The following ASB15 variants were observed in gnomAD, a reference collection of about 807,000 sequenced individuals.
ASB15 encodes ankyrin repeat and SOCS box protein 15.
Under a neutral mutation model 58.0 loss-of-function variants are expected in ASB15, and 54 were observed. The ratio of observed to expected loss-of-function variants is 0.93; its 90% CI spans 0.75 to 1.17. ASB15 has a LOEUF of 1.17. Among genes scored for constraint, ASB15 ranks in the 50% most tolerant of loss-of-function variants. The pLI, the probability that ASB15 is intolerant of heterozygous loss-of-function variation, is 0.00. For synonymous variants in ASB15, 249 were observed against 262.4 expected (o/e 0.95, Z 0.50); for missense variants, 680 against 707.4 (o/e 0.96, Z 0.44).
At chr7:123,635,292 G>C (rs1394792343) in intron 11 of ASB15, among the ~76,000 whole-genome samples, 3 of 152,146 alleles carry the variant, frequency 2.0e-5, no homozygotes, top group African/African-American at 7.2e-5. Context: ...GGTGATTATA[G>C]ATGTTCGACT....
intron 9 of ASB15, 81 bp downstream of exon 9, chr7:123,627,362 A>T: frequency 8.9e-7 from 1 of 1,124,922 alleles, no homozygotes; most frequent in Non-Finnish European, 1.2e-6. Flanking sequence ...TCTATATGTA[A>T]TACCTTTCAA....
chr7:123,624,664 G>T lies in ASB15; in HGVS notation c.547G>T (p.Glu183Ter), dbSNP rs1404075406. 1 of 1,614,168 alleles carries T rather than the reference G, an allele frequency of 6.2e-7. No homozygotes were observed. Among genetic ancestry groups the T allele is most frequent in the South Asian group, 1.1e-5 (1 of 91,076 alleles). Residue 183 changes from glutamate to a stop codon, truncating the protein, a stop_gained, in exon 8 of 12, where the codon GAA becomes TAA. Coordinates refer to ENST00000451215, the MANE Select transcript of ASB15 (RefSeq NM_001290258.2). LOFTEE classifies it high-confidence loss of function. Reference sequence around the variant, plus strand: ...TGTCAAGCGATGGTCAGCAATGCATGAAGCAGCCAAGCAAGGCCGAAAAGA... The same window carrying T: ...TGTCAAGCGATGGTCAGCAATGCATTAAGCAGCCAAGCAAGGCCGAAAAGA... Reference protein sequence around the residue: ...PCVKRWSAMHEAAKQGRKDIV... With the variant: ...PCVKRWSAMH
chr7:123,585,993 G>A (rs1799366084), intron 1 of ASB15, among the ~76,000 whole-genome samples: 1 of 151,576 alleles, frequency 6.6e-6, no homozygotes, highest in South Asian at 2.1e-4. Context: ...GGACACTTAG[G>A]TTAATTCCAC....
chr7:123,618,378 G>C (rs1192770232), intron 7 of ASB15, among the ~76,000 whole-genome samples: 1 of 152,180 alleles, frequency 6.6e-6, no homozygotes, highest in Non-Finnish European at 1.5e-5. Flanking sequence ...TTCTCTTAGG[G>C]ACACAGGGTG....
intron 3 of ASB15, among the ~76,000 whole-genome samples, chr7:123,612,764 A>C (rs893567418): frequency 6.6e-6 from 1 of 152,210 alleles, no homozygotes; most frequent in East Asian, 1.9e-4. Context: ...TTATATTTCA[A>C]TGCTCACTTA....
At chr7:123,586,814 C>T (rs1288899353) in intron 1 of ASB15, among the ~76,000 whole-genome samples, 1 of 151,616 alleles carries the variant, frequency 6.6e-6, no homozygotes, top group African/African-American at 2.4e-5. Flanking sequence ...CTATCGTTTC[C>T]TCATTGTGTA....
chr7:123,569,805 C>T (rs1798857206), intron 1 of ASB15, among the ~76,000 whole-genome samples: 1 of 152,080 alleles, frequency 6.6e-6, no homozygotes, highest in Non-Finnish European at 1.5e-5. Flanking sequence ...AACAGAGAGG[C>T]AAGCCCGTTA....
At chr7:123,588,297 T>A (rs1209145031) in intron 1 of ASB15, among the ~76,000 whole-genome samples, 1 of 151,832 alleles carries the variant, frequency 6.6e-6, no homozygotes, top group Admixed American at 6.6e-5. Flanking sequence ...TCTTCTAGGT[T>A]ATACAGTTTA....
At chr7:123,578,282 C>T (rs989652967) in intron 1 of ASB15, among the ~76,000 whole-genome samples, 1 of 150,652 alleles carries the variant, frequency 6.6e-6, no homozygotes, top group Non-Finnish European at 1.5e-5. Flanking sequence ...CATCTAAAGC[C>T]TCTTGGTCCC....
At chr7:123,568,739 A>G (rs1363095913) in intron 1 of ASB15, among the ~76,000 whole-genome samples, 3 of 152,150 alleles carry the variant, frequency 2.0e-5, no homozygotes, top group Non-Finnish European at 2.9e-5. Context: ...ATAAATATGC[A>G]TTATTAATGT....
intron 4 of ASB15, among the ~76,000 whole-genome samples, chr7:123,615,032 T>C (rs938773430): frequency 6.6e-6 from 1 of 152,332 alleles, no homozygotes; most frequent in South Asian, 2.1e-4. Context: ...ACGTATTCCA[T>C]TGTTGTATGT....
intron 2 of ASB15, among the ~76,000 whole-genome samples, chr7:123,606,189 T>C (rs1457933882): frequency 3.9e-5 from 6 of 152,136 alleles, no homozygotes; most frequent in Non-Finnish European, 7.4e-5. Context: ...AAATAAACTA[T>C]TGATTTCATG....
rs193053510 is a variant in ASB15 at position 123,620,630 on chromosome 7, G to C, written c.451+2893G>C. Among the ~76,000 whole-genome samples the C allele has an allele frequency of 2.9e-3, 365 of 124,458 alleles. 8 individuals carry two copies. The highest frequency in any genetic ancestry group is 5.1e-3 in the Middle Eastern group (1 of 196). 81.6% of individuals were successfully genotyped at this position (124,458 alleles called of 152,430 possible). On this transcript the variant is annotated intron_variant, in intron 7 of 11. Coordinates refer to ENST00000451215, the MANE Select transcript of ASB15 (RefSeq NM_001290258.2). ...TCTGTCGCCCAGGCTGGAGTGCAGT[G>C]GCGCGATCTCAAAACTCTGCCTCCC...
At chr7:123,619,083 T>G (rs6956834) in intron 7 of ASB15, among the ~76,000 whole-genome samples, 25,935 of 147,250 alleles carry the variant, frequency 0.18, 2,748 homozygotes, top group African/African-American at 0.29. Context: ...GGGAGGCTGA[T>G]GCAGGAGAAT....
At chr7:123,616,540 T>A (rs747477098) in intron 6 of ASB15, 45 bp downstream of exon 6, 5 of 1,560,542 alleles carry the variant, frequency 3.2e-6, no homozygotes, top group Non-Finnish European at 4.4e-6. Context: ...AGCAAGAATG[T>A]TGATATGTTG....
intron 7 of ASB15, 100 bp from the exon 8 acceptor site, chr7:123,624,469 G>A: frequency 1.7e-6 from 2 of 1,164,848 alleles, no homozygotes; most frequent in Non-Finnish European, 1.2e-6. Context: ...AAAGTTACTA[G>A]CTAGTATCTA....
At chr7:123,612,841 T>G (rs1800546060) in intron 3 of ASB15, among the ~76,000 whole-genome samples, 2 of 152,220 alleles carry the variant, frequency 1.3e-5, no homozygotes, top group Non-Finnish European at 2.9e-5. Context: ...ACGCTTCTCT[T>G]GGCACTGAGA....
At position 123,616,480 on chromosome 7, in the gene ASB15, G is replaced by C; in HGVS notation, c.277G>C (p.Glu93Gln). 8 of 1,612,700 alleles carry C rather than the reference G, an allele frequency of 5.0e-6. No homozygotes were observed. Among genetic ancestry groups the C allele is most frequent in the Non-Finnish European group, 5.1e-6 (6 of 1,179,196 alleles). Residue 93 changes from glutamate (E) to glutamine (Q), a missense_variant, in exon 6 of 12, where the codon GAG (glutamate) becomes CAG (glutamine). By Grantham distance (29) the Glu-to-Gln change is conservative (BLOSUM62 2). Transcript: ENST00000451215. The stretch of plus-strand genomic sequence containing the variant: ...TGTTCAACCCATTCAACAAATACTT[G>C]AGATTGTTCTGGATGGTAAGAGAAC... ...AVVQPIQQIL[E>Q]IVLDASYKTL... is the part of the protein sequence containing the mutation.
At chr7:123,605,543 C>T (rs114705587) in intron 2 of ASB15, among the ~76,000 whole-genome samples, 2,569 of 152,236 alleles carry the variant, frequency 0.017, 74 homozygotes, top group African/African-American at 0.058. Context: ...TACATGCACA[C>T]GTACGTTCAC....
Sources: allele counts gnomAD v4.1 joint callset (sites outside exome capture counted in the v4.1 genomes callset), GRCh38; gene constraint gnomAD v4.1.1; transcripts MANE v1.5; gene names NCBI Gene and HGNC (gene_info 2026-07-23, HGNC 2026-07-21).